The following CMBL variants were observed in gnomAD, a reference collection of about 807,000 sequenced individuals.
The protein encoded by CMBL is carboxymethylenebutenolidase homolog (Pseudomonas).
A neutral mutation model predicts 28.7 loss-of-function variants in CMBL; 17 were observed. The observed-to-expected ratio is 0.59, with a 90% confidence interval of 0.41 to 0.89. The LOEUF is 0.89. Ranked by LOEUF, CMBL falls within the 40% of genes least tolerant of loss-of-function variation. The pLI is 0.00. For synonymous variants in CMBL, 106 were observed against 101.6 expected, an observed-to-expected ratio of 1.04 and a Z score of -0.26; for missense variants, 310 against 298.5, an observed-to-expected ratio of 1.04 and a Z score of -0.28.
chr5:10,282,778 T>A (rs1014044293), intron 4 of CMBL, among the ~76,000 whole-genome samples: 2 of 150,226 alleles, frequency 1.3e-5, no homozygotes, highest in African/African-American at 2.5e-5. Context: ...TGAGACCCCG[T>A]CAAAACAAAA....
rs1454208954 is a variant in CMBL at position 10,279,937 on chromosome 5, TTTAC to T, written c.*512_*515del. 7 of 152,210 alleles carry T rather than the reference TTTAC, an allele frequency of 4.6e-5. No homozygotes were observed. Among genetic ancestry groups the T allele is most frequent in the Non-Finnish European group, 4.4e-5 (3 of 68,110 alleles). 9.4% of individuals were successfully genotyped at this position (152,210 alleles called of 1,614,324 possible). A position where few individuals can be genotyped will look rare whatever the true frequency, so the allele number is the denominator to read the frequency against. On this transcript the variant is annotated 3_prime_UTR_variant, in exon 6 of 6. Transcript: ENST00000296658. ...GGTTTTTATTTTATTTATTTATTTA[TTTAC>T]TTATTTATTTTTGAGACAGGGTCTC...
intron 1 of CMBL, among the ~76,000 whole-genome samples, chr5:10,303,171 C>CT (rs1377756367): frequency 2.6e-5 from 4 of 152,248 alleles, no homozygotes; most frequent in Non-Finnish European, 5.9e-5. Flanking sequence ...GACCTGTAAG[C>CT]TACCACCCTG....
At chr5:10,295,574 G>C (rs573449326) in intron 1 of CMBL, among the ~76,000 whole-genome samples, 3 of 152,340 alleles carry the variant, frequency 2.0e-5, no homozygotes, top group South Asian at 2.1e-4. Context: ...TGGAAGGCAA[G>C]TAGTTCACAA....
intron 1 of CMBL, among the ~76,000 whole-genome samples, chr5:10,299,308 T>C (rs1746855849): frequency 6.6e-6 from 1 of 152,172 alleles, no homozygotes; most frequent in African/African-American, 2.4e-5. Context: ...CATAAACATA[T>C]GAACAGATAT....
At chr5:10,298,013 T>C (rs1014320075) in intron 1 of CMBL, among the ~76,000 whole-genome samples, 10 of 151,380 alleles carry the variant, frequency 6.6e-5, no homozygotes, top group Admixed American at 2.6e-4. Flanking sequence ...GAAGTACGTA[T>C]GGCTGTTTCC....
chr5:10,303,891 G>C (rs868763813), intron 1 of CMBL, among the ~76,000 whole-genome samples: 2 of 152,112 alleles, frequency 1.3e-5, no homozygotes, highest in Non-Finnish European at 2.9e-5. Context: ...ACCATGACAT[G>C]GTTCTGGCCT....
At chr5:10,302,187 C>T (rs1339845313) in intron 1 of CMBL, among the ~76,000 whole-genome samples, 1 of 152,208 alleles carries the variant, frequency 6.6e-6, no homozygotes, top group Admixed American at 6.5e-5. Context: ...TGACTCTCAA[C>T]TAACTGTACT....
chr5:10,288,262 CA>C (rs1052711789), intron 3 of CMBL, among the ~76,000 whole-genome samples, 159 bp downstream of exon 3: 1 of 151,382 alleles, frequency 6.6e-6, no homozygotes. Context: ...AGAGCAAAAA[CA>C]AAAAAAAATT....
At position 10,277,692 on chromosome 5, in the gene CMBL, T is replaced by C. The variant is rs1746419306; in HGVS notation, c.*2761A>G. 7.2e-5 allele frequency among the ~76,000 whole-genome samples: 11 copies of C among 152,312 alleles called. No homozygotes were observed. The South Asian group carries it at 2.3e-3, about 32-fold the overall frequency. The stretch of plus-strand genomic sequence containing the variant: ...CATTTTTTCCCTTTACCTTCATTTA[T>C]CTGTTTGTCTAATAGTCACTGAAGA... On this transcript the variant is annotated 3_prime_UTR_variant, in exon 6 of 6. Coordinates refer to ENST00000296658, the MANE Select transcript of CMBL (RefSeq NM_138809.4).
chr5:10,306,201 C>G (rs1218584002), intron 1 of CMBL, among the ~76,000 whole-genome samples: 1 of 152,106 alleles, frequency 6.6e-6, no homozygotes, highest in Non-Finnish European at 1.5e-5. Context: ...CCTAAGGATT[C>G]AAATAACTCA....
Position 10,288,439 on chromosome 5 carries a change from A to T in CMBL, c.306T>A (p.Asn102Lys). The T allele has an allele frequency of 1.2e-6, 2 of 1,613,612 alleles. No individual in the cohort carries two copies. Among genetic ancestry groups the T allele is most frequent in the Non-Finnish European group, 1.7e-6 (2 of 1,179,654 alleles). ...SIFPEWLKTR[N>K]AQKIDREISA... Reference sequence around the variant, plus strand: ...TAACTCACCTATCGATCTTCTGGGCATTTCTTGTTTTCAGCCACTCAGGGA... The same window carrying T: ...TAACTCACCTATCGATCTTCTGGGCTTTTCTTGTTTTCAGCCACTCAGGGA... The change falls in exon 3 of 6, where the codon AAT becomes AAA. Residue 102 changes from asparagine (N) to lysine (K), a missense_variant. Coordinates refer to ENST00000296658, the MANE Select transcript of CMBL (RefSeq NM_138809.4).
At chr5:10,280,752 A>G (rs1746484563) in intron 5 of CMBL, 120 bp from the exon 6 acceptor site, 17 of 857,850 alleles carry the variant, frequency 2.0e-5, no homozygotes, top group Non-Finnish European at 1.8e-6. Context: ...AACAAGTTCC[A>G]CAGTTACACT....
intron 1 of CMBL, among the ~76,000 whole-genome samples, chr5:10,304,767 A>T (rs1001327409): frequency 6.6e-6 from 1 of 152,126 alleles, no homozygotes; most frequent in East Asian, 1.9e-4. Flanking sequence ...AGCCTAGACA[A>T]CATGTTTTTT....
At chr5:10,285,072 C>T (rs116163963) in intron 4 of CMBL, among the ~76,000 whole-genome samples, 3,185 of 151,986 alleles carry the variant, frequency 0.021, 108 homozygotes, top group African/African-American at 0.071. Context: ...GGTGCATTCA[C>T]AGCTCACTGC....
At chr5:10,297,232 A>G (rs1406195734) in intron 1 of CMBL, among the ~76,000 whole-genome samples, 1 of 151,626 alleles carries the variant, frequency 6.6e-6, no homozygotes, top group Non-Finnish European at 1.5e-5. Flanking sequence ...GAGAGAACTA[A>G]AGAGAGTGAA....
At chr5:10,306,107 A>G (rs1746996625) in intron 1 of CMBL, among the ~76,000 whole-genome samples, 1 of 152,208 alleles carries the variant, frequency 6.6e-6, no homozygotes, top group Admixed American at 6.5e-5. Flanking sequence ...AATGTAATCA[A>G]ACATTCCCTT....
In CMBL at chr5:10,304,197, CA is replaced by C. The variant is rs756837386; in HGVS notation, c.-20+3427del. On this transcript the variant is annotated intron_variant, in intron 1 of 5. Coordinates refer to ENST00000296658, the MANE Select transcript of CMBL (RefSeq NM_138809.4). ...GCAACACAGGGAGACCCCATCTCTA[CA>C]AAAAAAAAAAAAATTAGAAAATTAG... Among the ~76,000 whole-genome samples the C allele has an allele frequency of 6.9e-3, 928 of 133,556 alleles. 5 individuals are homozygous for C. Among genetic ancestry groups the C allele is most frequent in the African/African-American group, 0.018 (651 of 37,028 alleles). The allele number at this position is 133,556 out of a possible 152,430, so 87.6% of individuals were successfully genotyped here.
chr5:10,280,557 G>C lies in CMBL; in HGVS notation c.634C>G (p.His212Asp). The change falls in exon 6 of 6, where the codon CAT (histidine) becomes GAT (aspartate). Residue 212 changes from histidine (H) to aspartate (D), a missense_variant. His to Asp is a moderately conservative substitution (Grantham distance 81). Coordinates refer to ENST00000296658, the MANE Select transcript of CMBL (RefSeq NM_138809.4). ...TCTCTCTTCCGATGCACGAACCCAT[G>C]AGTCTGCCCAGAAAATGTTTTAATT... ...YQIKTFSGQT[H>D]GFVHRKREDC... 6.2e-7 allele frequency: 1 copy of C among 1,613,838 alleles called. No individual in the cohort carries two copies. The highest frequency in any genetic ancestry group is 8.5e-7 in the Non-Finnish European group (1 of 1,179,784).
intron 1 of CMBL, among the ~76,000 whole-genome samples, chr5:10,299,511 A>G (rs911018151): frequency 1.3e-5 from 2 of 152,112 alleles, no homozygotes; most frequent in Admixed American, 6.6e-5. Context: ...CGCACCCTAG[A>G]TATCCCACCA....
Sources: gnomAD v4.1 joint callset for allele counts (sites outside exome capture counted in the v4.1 genomes callset) on GRCh38, gnomAD v4.1.1 for gene constraint, MANE v1.5 for transcripts, NCBI Gene and HGNC (gene_info 2026-07-23, HGNC 2026-07-21) for gene names.